ZMYND11: variants seen among roughly 807,000 people sequenced by gnomAD.
ZMYND11 encodes the protein zinc finger MYND-type containing 11, also known as zinc finger MYND domain-containing protein 11.
In ZMYND11, 9 loss-of-function variants were observed where a neutral mutation model predicts 84.9. The observed-to-expected ratio is 0.11, with a 90% CI of 0.06 to 0.18. ZMYND11 has a LOEUF of 0.18. Ranked by LOEUF, ZMYND11 falls within the 10% of genes least tolerant of loss-of-function variation. The probability of loss-of-function intolerance (pLI) is 1.00; values close to 1 mark genes in which losing one functional copy is unlikely to be tolerated. For missense variants in ZMYND11, 409 were observed against 761.0 expected (o/e 0.54, Z 5.44); for synonymous variants, 250 against 244.1 (o/e 1.02, Z -0.23).
intron 10 of ZMYND11, 63 bp from the exon 11 acceptor site, chr10:246,703 T>C: frequency 1.3e-6 from 2 of 1,532,356 alleles, no homozygotes; most frequent in Non-Finnish European, 1.8e-6. Context: ...ACTGAAGCCC[T>C]CTTTTACCAC....
Position 240,882 on chromosome 10 carries a change from T to C in ZMYND11, c.754-11T>C. On this transcript the variant is annotated splice_polypyrimidine_tract_variant and intron_variant, in intron 8 of 14. Coordinates refer to ENST00000381604, the MANE Select transcript of ZMYND11 (RefSeq NM_001370100.5). ...TTTATGTAGGCTAAAGTAGTTTCTT[T>C]TCTTTTTCAGCTGGATGAACTGCAG... 2 of 1,609,642 alleles carry C rather than the reference T, an allele frequency of 1.2e-6. No homozygotes were observed. Among genetic ancestry groups the C allele is most frequent in the Non-Finnish European group, 1.7e-6 (2 of 1,178,130 alleles).
At chr10:147,234 C>G (rs1045764913) in intron 1 of ZMYND11, among the ~76,000 whole-genome samples, 8 of 152,074 alleles carry the variant, frequency 5.3e-5, no homozygotes, top group African/African-American at 1.7e-4. Flanking sequence ...TTTGGATGCC[C>G]TTTATTTCTT....
intron 2 of ZMYND11, among the ~76,000 whole-genome samples, chr10:192,864 T>G (rs1940804136): frequency 6.6e-6 from 1 of 152,230 alleles, no homozygotes. Context: ...TACTCTCTGC[T>G]TGTTTTCCAC....
At chr10:173,467 A>G (rs1322902535) in intron 1 of ZMYND11, among the ~76,000 whole-genome samples, 1 of 152,204 alleles carries the variant, frequency 6.6e-6, no homozygotes, top group Non-Finnish European at 1.5e-5. Flanking sequence ...TGTTCTAGAA[A>G]TGGACAGAAG....
chr10:225,342 TG>T (rs1285499592), intron 4 of ZMYND11, among the ~76,000 whole-genome samples: 1 of 75,550 alleles, frequency 1.3e-5, no homozygotes, highest in African/African-American at 4.3e-5. Flanking sequence ...TTGTTGTCGT[TG>T]TTTTTTTGTT....
At chr10:159,860 G>C (rs1316016970) in intron 1 of ZMYND11, among the ~76,000 whole-genome samples, 1 of 151,944 alleles carries the variant, frequency 6.6e-6, no homozygotes, top group Non-Finnish European at 1.5e-5. Context: ...TCTGATTTTT[G>C]ATTGTATTTT....
rs141206610 is a variant in ZMYND11, at chr10:249,630, C to T, written c.1686+542C>T. On this transcript the variant is annotated intron_variant, in intron 14 of 14. Coordinates refer to ENST00000381604, the MANE Select transcript of ZMYND11 (RefSeq NM_001370100.5). ...TTGTCATCGTGTCCTGCTCGCCAGT[C>T]TCATCCTCCCCACTAGAGTGGGAGC... 918 of 985,442 alleles carry T rather than the reference C, an allele frequency of 9.3e-4. 23 individuals carry two copies. In the Admixed American group the frequency reaches 0.043, roughly 47 times the overall value. 61.0% of individuals were successfully genotyped at this position (985,442 alleles called of 1,614,324 possible).
chr10:184,152 A>C (rs942544045), intron 2 of ZMYND11, among the ~76,000 whole-genome samples: 5 of 152,174 alleles, frequency 3.3e-5, no homozygotes, highest in African/African-American at 1.2e-4. Context: ...CATGGTGAGA[A>C]TCATGGTTCT....
At chr10:164,323 C>T (rs149830170) in intron 1 of ZMYND11, among the ~76,000 whole-genome samples, 1,622 of 152,212 alleles carry the variant, frequency 0.011, 20 homozygotes, top group Non-Finnish European at 0.016. Context: ...TAAGTCTTTC[C>T]TCATGTGTAA....
chr10:174,288 C>T (rs1846049393), intron 1 of ZMYND11, among the ~76,000 whole-genome samples: 1 of 152,120 alleles, frequency 6.6e-6, no homozygotes, highest in Non-Finnish European at 1.5e-5. Context: ...GTGAAGGAGG[C>T]CAACCTGAAA....
At chr10:137,535 C>T (rs551789093) in intron 1 of ZMYND11, among the ~76,000 whole-genome samples, 1 of 152,256 alleles carries the variant, frequency 6.6e-6, no homozygotes, top group African/African-American at 2.4e-5. Context: ...TTATGGTGTG[C>T]ACAACGTTTT....
At chr10:247,977 G>A (rs1293109930) in intron 12 of ZMYND11, among the ~76,000 whole-genome samples, 3 of 152,068 alleles carry the variant, frequency 2.0e-5, no homozygotes, top group Non-Finnish European at 4.4e-5. Flanking sequence ...AATGAATCTA[G>A]TCCAATGAAG....
intron 3 of ZMYND11, among the ~76,000 whole-genome samples, chr10:219,299 A>G (rs1462172778): frequency 1.3e-5 from 2 of 152,228 alleles, no homozygotes; most frequent in Admixed American, 6.5e-5. Context: ...AGTAACTACT[A>G]TAATATTTTG....
In ZMYND11 at chr10:252,476, G is replaced by A; in HGVS notation, c.*6G>A. ...CCTGCCGCCGGAAAAGATGAAGCTG[G>A]CCCTTCCCGGAGTCACCCCGATGAT... On this transcript the variant is annotated 3_prime_UTR_variant, in exon 15 of 15. Transcript: ENST00000381604. This position sits in a 1 kb window ranked among gnomAD's most constrained non-coding sequence, Gnocchi z 4.6. 1 of 1,608,878 alleles carries A rather than the reference G, an allele frequency of 6.2e-7. No homozygotes were observed. The highest frequency in any genetic ancestry group is 8.5e-7 in the Non-Finnish European group (1 of 1,179,504).
intron 1 of ZMYND11, among the ~76,000 whole-genome samples, chr10:145,164 G>GTA (rs1554754912): frequency 6.7e-6 from 1 of 150,284 alleles, no homozygotes; most frequent in East Asian, 1.9e-4. Flanking sequence ...ATATGTGTGT[G>GTA]TATATATATG....
rs147092711 is a variant in ZMYND11 at position 237,338 on chromosome 10, T to C, written c.517-247T>C. ...GTTTTAAAGTACTTCCTCTGAGATTTTGCTTTAAAGGTAGAAAATATTGGC... is the reference window on the plus strand; with the variant it reads ...GTTTTAAAGTACTTCCTCTGAGATTCTGCTTTAAAGGTAGAAAATATTGGC... On this transcript the variant is annotated intron_variant, in intron 5 of 14. Coordinates refer to ENST00000381604, the MANE Select transcript of ZMYND11 (RefSeq NM_001370100.5). 4.3e-3 allele frequency among the ~76,000 whole-genome samples: 649 copies of C among 152,316 alleles called. 3 individuals carry two copies. Among genetic ancestry groups the C allele is most frequent in the African/African-American group, 0.015 (627 of 41,574 alleles).
chr10:229,742 G>A (rs1477953518), intron 4 of ZMYND11, among the ~76,000 whole-genome samples: 1 of 152,188 alleles, frequency 6.6e-6, no homozygotes, highest in Admixed American at 6.5e-5. Context: ...TTGAGTCTTA[G>A]TGGTTTGAAG....
chr10:149,285 G>GTTGTTA (rs1442758095), intron 1 of ZMYND11, among the ~76,000 whole-genome samples: 161 of 139,312 alleles, frequency 1.2e-3, no homozygotes, highest in South Asian at 5.6e-3. Flanking sequence ...TGAGGTGGTT[G>GTTGTTA]TTATTATTAT....
At chr10:190,934 CTT>C (rs1412616500) in intron 2 of ZMYND11, among the ~76,000 whole-genome samples, 2 of 151,950 alleles carry the variant, frequency 1.3e-5, no homozygotes, top group Non-Finnish European at 2.9e-5. Context: ...TTATTAGTCT[CTT>C]AGGATCTTTG....
Sources: gnomAD v4.1 joint callset for allele counts (sites outside exome capture counted in the v4.1 genomes callset) on GRCh38, gnomAD v4.1.1 for gene constraint, Gnocchi (gnomAD v3.1) non-coding constraint, MANE v1.5 for transcripts, NCBI Gene and HGNC (gene_info 2026-07-23, HGNC 2026-07-21) for gene names.